Variants in TCF4 observed in about 807,000 individuals in gnomAD.
The protein encoded by TCF4 is transcription factor 4.
TCF4 carries 3 observed loss-of-function variants against 82.1 expected under a neutral mutation model. The observed-to-expected ratio is 0.04, with a 90% CI of 0.02 to 0.09. TCF4 has a LOEUF of 0.09. TCF4 is among the 10% of genes least tolerant of loss of function. TCF4 has a pLI of 1.00. For missense variants in TCF4, 518 were observed against 852.7 expected (o/e 0.61, Z 4.89); for synonymous variants, 276 against 309.6 (o/e 0.89, Z 1.14).
intron 3 of TCF4, among the ~76,000 whole-genome samples, chr18:55,573,328 A>G (rs1160162682): frequency 6.6e-6 from 1 of 151,590 alleles, no homozygotes. Context: ...AGTAGCCACT[A>G]TGAATGCTCC....
In TCF4 at chr18:55,478,946, G is replaced by T. The variant is rs532785912; in HGVS notation, c.146-14809C>A. ...TTTAGAAGAATTGTTTCATTAAAAG[G>T]AATGAAGTTTAATTACATGAAATAT... On this transcript the variant is annotated intron_variant, in intron 3 of 19. Coordinates refer to ENST00000354452, the MANE Select transcript of TCF4 (RefSeq NM_001083962.2). Among the ~76,000 whole-genome samples, 168 of 151,916 alleles carry T rather than the reference G, an allele frequency of 1.1e-3. 1 individual carries two copies. Among genetic ancestry groups the T allele is most frequent in the African/African-American group, 3.9e-3 (160 of 41,418 alleles).
At chr18:55,308,475 G>C (rs188027972) in intron 8 of TCF4, among the ~76,000 whole-genome samples, 117 of 152,300 alleles carry the variant, frequency 7.7e-4, no homozygotes, top group Non-Finnish European at 1.5e-3. Context: ...GCTCTCTCGG[G>C]AGCATTCTAC....
chr18:55,462,709 C>T (rs2095893439), intron 4 of TCF4, among the ~76,000 whole-genome samples: 2 of 152,090 alleles, frequency 1.3e-5, no homozygotes, highest in Admixed American at 1.3e-4. Flanking sequence ...TCTGGATGAA[C>T]TAAACAATTG....
At chr18:55,446,495 G>C (rs1003060155) in intron 5 of TCF4, among the ~76,000 whole-genome samples, 1 of 152,162 alleles carries the variant, frequency 6.6e-6, no homozygotes, top group Non-Finnish European at 1.5e-5. Context: ...GAGTTCAGCA[G>C]ATCTTGCTTC....
chr18:55,365,154 AAAATATATATATATATATATATATAT>A (rs1342000078), intron 6 of TCF4, among the ~76,000 whole-genome samples: 2 of 52,420 alleles, frequency 3.8e-5, no homozygotes, highest in Non-Finnish European at 6.8e-5. Context: ...CTCCATCTCC[AAAATATATATATATATATATATATAT>A]ATATATATAT....
chr18:55,255,850 A>AT lies in TCF4; in HGVS notation c.1147-1151dup, dbSNP rs765240808. On this transcript the variant is annotated intron_variant, in intron 14 of 19. Transcript: ENST00000354452. Reference sequence around the variant, plus strand: ...CTAGATCATGCTACAATTGACTTTGATTTTGAATCGGCTGTGCAAACAAGT... The same window carrying AT: ...CTAGATCATGCTACAATTGACTTTGATTTTTGAATCGGCTGTGCAAACAAGT... Among the ~76,000 whole-genome samples, 4 of 152,164 alleles carry AT rather than the reference A, an allele frequency of 2.6e-5. No individual in the cohort carries two copies. The East Asian group carries it at 7.7e-4, about 29-fold the overall frequency.
chr18:55,314,774 A>C (rs1411568045), intron 8 of TCF4, among the ~76,000 whole-genome samples: 1 of 151,958 alleles, frequency 6.6e-6, no homozygotes, highest in East Asian at 1.9e-4. Flanking sequence ...CTGTGGATAA[A>C]CTTTATTGGG....
chr18:55,422,608 G>T, intron 5 of TCF4: 1 of 375,426 alleles, frequency 2.7e-6, no homozygotes, highest in Non-Finnish European at 3.7e-6. Flanking sequence ...ATTTGCATCT[G>T]GTGCTTTTAG....
intron 2 of TCF4, among the ~76,000 whole-genome samples, chr18:55,602,283 G>C (rs929386386): frequency 6.6e-6 from 1 of 152,136 alleles, no homozygotes; most frequent in Non-Finnish European, 1.5e-5. Context: ...AGCTTTCAGG[G>C]TCAGGGTCAG....
At chr18:55,353,079 T>C (rs1261894764) in intron 6 of TCF4, among the ~76,000 whole-genome samples, 1 of 152,212 alleles carries the variant, frequency 6.6e-6, no homozygotes, top group Non-Finnish European at 1.5e-5. Flanking sequence ...AAATGCTTGC[T>C]TGTGTTTTTA....
intron 3 of TCF4, among the ~76,000 whole-genome samples, chr18:55,508,951 T>C (rs1403057181): frequency 6.6e-6 from 1 of 152,224 alleles, no homozygotes; most frequent in Non-Finnish European, 1.5e-5. Flanking sequence ...ACAGATTATC[T>C]GAAACATTAG....
At chr18:55,373,608 T>G (rs1423780800) in intron 6 of TCF4, among the ~76,000 whole-genome samples, 1 of 151,786 alleles carries the variant, frequency 6.6e-6, no homozygotes, top group Admixed American at 6.6e-5. Context: ...AGGTCAGGAA[T>G]TCAAGACCAG....
At chr18:55,492,017 G>A (rs926373587) in intron 3 of TCF4, among the ~76,000 whole-genome samples, 6 of 152,240 alleles carry the variant, frequency 3.9e-5, no homozygotes, top group Admixed American at 3.3e-4. Flanking sequence ...ATTTTGTTCC[G>A]ATTGGTGCAA....
chr18:55,269,326 C>A (rs1332743281), intron 11 of TCF4: 2 of 172,166 alleles, frequency 1.2e-5, no homozygotes, highest in Non-Finnish European at 2.5e-5. Context: ...CTGAGGGACT[C>A]CACAGTGTCA....
At chr18:55,282,249 C>T (rs2062768936) in intron 8 of TCF4, among the ~76,000 whole-genome samples, 1 of 151,926 alleles carries the variant, frequency 6.6e-6, no homozygotes, top group Admixed American at 6.6e-5. Flanking sequence ...TTAGTTCAAC[C>T]TCCCACATTT....
chr18:55,499,910 C>G (rs1202015760), intron 3 of TCF4, among the ~76,000 whole-genome samples: 1 of 152,196 alleles, frequency 6.6e-6, no homozygotes, highest in Non-Finnish European at 1.5e-5. Flanking sequence ...TGGCCAGGCA[C>G]AGTGGCTCAC....
chr18:55,228,506 C>T, intron 18 of TCF4, 145 bp from the exon 19 acceptor site: 1 of 1,182,272 alleles, frequency 8.5e-7, no homozygotes, highest in Non-Finnish European at 1.2e-6. Flanking sequence ...CTGTGGCAAT[C>T]CATTTGGTCA....
At chr18:55,588,679 T>G, upstream of TCF4, 1 of 1,326,304 alleles carries the variant, frequency 7.5e-7, no homozygotes, top group Non-Finnish European at 9.6e-7. Context: ...GCAAAAAGAC[T>G]TTGCCAAGAG....
At chr18:55,632,329 C>T (rs1448586160) in intron 1 of TCF4, among the ~76,000 whole-genome samples, 2 of 152,178 alleles carry the variant, frequency 1.3e-5, no homozygotes, top group South Asian at 2.1e-4. Context: ...TGAACCACCG[C>T]GCCCGGCCAA....
Sources: allele counts gnomAD v4.1 joint callset (sites outside exome capture counted in the v4.1 genomes callset), GRCh38; gene constraint gnomAD v4.1.1; transcripts MANE v1.5; gene names NCBI Gene and HGNC (gene_info 2026-07-23, HGNC 2026-07-21).